Variants in INVS observed in about 807,000 individuals in gnomAD.
INVS encodes the protein inversin.
In INVS, 86 loss-of-function variants were observed where a neutral mutation model predicts 108.8. That is an observed-to-expected ratio of 0.79 (90% CI 0.66 to 0.95). INVS has a LOEUF of 0.95. Ranked by LOEUF, INVS falls within the 40% of genes least tolerant of loss-of-function variation. The probability of loss-of-function intolerance (pLI) is 0.00; values close to 1 mark genes in which losing one functional copy is unlikely to be tolerated. For synonymous variants in INVS, 455 were observed against 473.5 expected, an observed-to-expected ratio of 0.96 and a Z score of 0.51; for missense variants, 1,169 against 1,297.4, an observed-to-expected ratio of 0.90 and a Z score of 1.52.
At chr9:100,208,666 AG>A (rs1830743662) in intron 3 of INVS, among the ~76,000 whole-genome samples, 1 of 152,208 alleles carries the variant, frequency 6.6e-6, no homozygotes, top group South Asian at 2.1e-4. Context: ...GGTGCTTCAA[AG>A]GAACCAGGAG....
chr9:100,288,050 G>C (rs550713865), intron 13 of INVS, among the ~76,000 whole-genome samples: 1 of 152,294 alleles, frequency 6.6e-6, no homozygotes, highest in South Asian at 2.1e-4. Flanking sequence ...AGACAAAAGA[G>C]GGTGGAATAG....
intron 3 of INVS, among the ~76,000 whole-genome samples, chr9:100,149,723 C>T (rs1828748757): frequency 1.3e-5 from 2 of 152,048 alleles, no homozygotes; most frequent in Admixed American, 1.3e-4. Context: ...TGTATAGTCA[C>T]TAGGAATAAC....
chr9:100,210,299 T>C (rs778071560), intron 3 of INVS, among the ~76,000 whole-genome samples: 12 of 152,228 alleles, frequency 7.9e-5, no homozygotes, highest in Non-Finnish European at 1.5e-4. Context: ...CTTACTAATG[T>C]TGGCTTCAGA....
Position 100,294,402 on chromosome 9 carries a change from C to T in INVS, c.2786+1359C>T, listed in dbSNP as rs1833726498. On this transcript the variant is annotated intron_variant, in intron 14 of 16. Transcript: ENST00000262457. ...ATATCATACCAGAGACTGCCTAACCCAGAGCCGGGTGATCTGGTTTGTGCT... is the reference window on the plus strand; with the variant it reads ...ATATCATACCAGAGACTGCCTAACCTAGAGCCGGGTGATCTGGTTTGTGCT... Among the ~76,000 whole-genome samples, 8 of 152,300 alleles carry T rather than the reference C, an allele frequency of 5.3e-5. No individual in the cohort carries two copies. In the South Asian group the frequency reaches 1.7e-3, roughly 32 times the overall value.
chr9:100,279,938 T>A (rs1449673418), intron 12 of INVS, among the ~76,000 whole-genome samples: 16 of 152,190 alleles, frequency 1.1e-4, no homozygotes, highest in Non-Finnish European at 1.8e-4. Flanking sequence ...TAACTCCAAC[T>A]GTGCAGGGCC....
chr9:100,205,934 A>T (rs1236080857), intron 3 of INVS, among the ~76,000 whole-genome samples: 5 of 152,238 alleles, frequency 3.3e-5, no homozygotes, highest in African/African-American at 4.8e-5. Flanking sequence ...GAAATCATCT[A>T]CTACTAACTT....
At chr9:100,281,599 G>T (rs1034703598) in intron 12 of INVS, among the ~76,000 whole-genome samples, 1 of 152,108 alleles carries the variant, frequency 6.6e-6, no homozygotes, top group Non-Finnish European at 1.5e-5. Flanking sequence ...CCACCTAGAA[G>T]ATTTTTTTAA....
intron 3 of INVS, among the ~76,000 whole-genome samples, chr9:100,177,266 G>A (rs1829746826): frequency 6.6e-6 from 1 of 152,162 alleles, no homozygotes; most frequent in Non-Finnish European, 1.5e-5. Flanking sequence ...GGGAATGTCA[G>A]CGAGAGAGCA....
At chr9:100,215,726 A>G (rs184705542) in intron 3 of INVS, among the ~76,000 whole-genome samples, 431 of 152,272 alleles carry the variant, frequency 2.8e-3, no homozygotes, top group Middle Eastern at 6.8e-3. Flanking sequence ...GCAACTCCAT[A>G]TGGTGGAGCA....
intron 2 of INVS, among the ~76,000 whole-genome samples, chr9:100,117,982 A>G (rs1588012721): frequency 6.6e-6 from 1 of 152,018 alleles, no homozygotes; most frequent in East Asian, 1.9e-4. Context: ...GAACCTGATC[A>G]TGCTGGCATC....
chr9:100,100,787 T>TTATATGTACATATA (rs1826870568), intron 1 of INVS, among the ~76,000 whole-genome samples: 3 of 2,616 alleles, frequency 1.1e-3, no homozygotes, highest in Non-Finnish European at 1.5e-3. Flanking sequence ...TAATATATAT[T>TTATATGTACATATA]ATATATATAA....
rs114582111 is a variant in INVS, at chr9:100,189,777, C to T, written c.274-36285C>T. ...TATTTGTTTGTTTTTTTTTAATAGA[C>T]GGGGGTCTTGCCATGTCGGCCAGGT... On this transcript the variant is annotated intron_variant, in intron 3 of 16. Transcript: ENST00000262457. Among the ~76,000 whole-genome samples the T allele has an allele frequency of 5.3e-3, 806 of 151,338 alleles. 9 individuals carry two copies. The highest frequency in any genetic ancestry group is 0.018 in the African/African-American group (756 of 41,224).
At chr9:100,183,976 A>G (rs910298445) in intron 3 of INVS, among the ~76,000 whole-genome samples, 3 of 152,056 alleles carry the variant, frequency 2.0e-5, no homozygotes, top group Non-Finnish European at 4.4e-5. Flanking sequence ...AGCATAAAGT[A>G]TGGGGTGGGG....
intron 3 of INVS, among the ~76,000 whole-genome samples, chr9:100,172,586 G>C (rs967056504): frequency 2.0e-5 from 3 of 152,136 alleles, no homozygotes; most frequent in Non-Finnish European, 4.4e-5. Context: ...CATCTACTTG[G>C]ACAAGGAAAG....
At chr9:100,288,425 C>A (rs904829918) in intron 13 of INVS, among the ~76,000 whole-genome samples, 1 of 152,036 alleles carries the variant, frequency 6.6e-6, no homozygotes, top group Non-Finnish European at 1.5e-5. Context: ...GGGTTTCCTG[C>A]GAATCTGATT....
intron 10 of INVS, among the ~76,000 whole-genome samples, chr9:100,263,568 G>C (rs1832696083): frequency 6.6e-6 from 1 of 152,088 alleles, no homozygotes; most frequent in Admixed American, 6.6e-5. Flanking sequence ...AAGGACCCTT[G>C]TGATTAGATC....
At chr9:100,229,140 A>T (rs1831430620) in intron 4 of INVS, among the ~76,000 whole-genome samples, 1 of 152,140 alleles carries the variant, frequency 6.6e-6, no homozygotes, top group African/African-American at 2.4e-5. Flanking sequence ...ATTTTTTCTT[A>T]TTAAGTTGAG....
intron 3 of INVS, among the ~76,000 whole-genome samples, chr9:100,173,556 C>T (rs752964009): frequency 6.6e-5 from 10 of 151,952 alleles, no homozygotes; most frequent in Non-Finnish European, 1.2e-4. Flanking sequence ...GGTGAAACCC[C>T]GTCTCTACTA....
rs41274951 is a variant in INVS at position 100,296,894 on chromosome 9, C to G, written c.2787-23C>G. 0.14 allele frequency: 222,740 copies of G among 1,589,220 alleles called. 16,885 individuals are homozygous for G. Among genetic ancestry groups the G allele is most frequent in the Non-Finnish European group, 0.16 (181,270 of 1,157,868 alleles). ...TCTCAGTACTGTGATCTTAAAGCCT[C>G]TCCTCTCCTCTGACCCAACCAGCTA... is the stretch of plus-strand genomic sequence containing the variant. On this transcript the variant is annotated intron_variant, in intron 14 of 16. Transcript: ENST00000262457.
Sources: allele counts gnomAD v4.1 joint callset (sites outside exome capture counted in the v4.1 genomes callset), GRCh38; gene constraint gnomAD v4.1.1; transcripts MANE v1.5; gene names NCBI Gene and HGNC (gene_info 2026-07-23, HGNC 2026-07-21).